The following PGBD2 variants were observed in gnomAD, a reference collection of about 807,000 sequenced individuals.
The protein encoded by PGBD2 is piggyBac transposable element derived 2, also known as piggyBac transposable element-derived protein 2.
PGBD2 carries 6 observed loss-of-function variants against 8.1 expected under a neutral mutation model. That is an observed-to-expected ratio of 0.74 (90% confidence interval 0.40 to 1.46). The LOEUF (loss-of-function observed/expected upper bound fraction) is 1.46, where lower values mean the gene tolerates loss of function less well. Among genes scored for constraint, PGBD2 ranks in the 40% most tolerant of loss-of-function variants. The pLI, the probability that PGBD2 is intolerant of heterozygous loss-of-function variation, is 0.02. For synonymous variants in PGBD2, 318 were observed against 272.2 expected (o/e 1.17, Z -1.66); for missense variants, 802 against 739.0 (o/e 1.09, Z -0.99).
chr1:248,916,970 C>T lies in PGBD2; in HGVS notation c.386C>T (p.Pro129Leu), dbSNP rs1424019714. Residue 129 changes from proline to leucine, a missense_variant, in exon 3 of 3, where the codon CCT becomes CTT. Transcript: ENST00000329291. ...TTTGGCAGTTGGACTGCATCAGATCCTCATATTGAGGATCTGAAAAGCCAA... is the reference window on the plus strand; with the variant it reads ...TTTGGCAGTTGGACTGCATCAGATCTTCATATTGAGGATCTGAAAAGCCAA... ...PDFGSWTASDPHIEDLKSQEL... is the reference protein window; with the variant it reads ...PDFGSWTASDLHIEDLKSQEL... The T allele has an allele frequency of 6.2e-7, 1 of 1,612,858 alleles. No homozygotes were observed. The highest frequency in any genetic ancestry group is 2.2e-5 in the East Asian group (1 of 44,878).
At chr1:248,907,547 G>A (rs1181340038) in intron 1 of PGBD2, among the ~76,000 whole-genome samples, 1 of 152,166 alleles carries the variant, frequency 6.6e-6, no homozygotes, top group Non-Finnish European at 1.5e-5. Context: ...TATCACATGG[G>A]GAGAAACCTT....
chr1:248,907,944 C>G (rs1405624305), intron 1 of PGBD2, among the ~76,000 whole-genome samples: 1 of 152,156 alleles, frequency 6.6e-6, no homozygotes, highest in African/African-American at 2.4e-5. Flanking sequence ...GCATTTACAT[C>G]TATAAAATGT....
upstream of PGBD2, among the ~76,000 whole-genome samples, chr1:248,904,495 G>A (rs1016520439): frequency 1.4e-4 from 22 of 152,210 alleles, 1 homozygote; most frequent in South Asian, 2.7e-3. Context: ...TATCCAAATT[G>A]CAGTGAGAAT....
Position 248,918,318 on chromosome 1 carries a change from GA to G in PGBD2, c.1736del (p.Lys579ArgfsTer50). The part of the protein sequence containing the change: ...QTNTRCEKCQ[K>X]GVHAKCFREY... ...CCAACACCCGGTGTGAGAAGTGCCA[GA>G]AGGGTGTCCATGCCAAATGCTTCAG... On this transcript the variant is annotated frameshift_variant, in exon 3 of 3. Transcript: ENST00000329291. LOFTEE classifies it high-confidence loss of function. 11 of 1,581,586 alleles carry G rather than the reference GA, an allele frequency of 7.0e-6. No homozygotes were observed. Among genetic ancestry groups the G allele is most frequent in the Non-Finnish European group, 9.5e-6 (11 of 1,163,710 alleles).
the PGBD2 span, among the ~76,000 whole-genome samples, chr1:248,889,200 C>T: frequency 2.1e-3 from 321 of 152,190 alleles, 1 homozygote; most frequent in African/African-American, 6.9e-3. Flanking sequence ...GCCTGGCCAA[C>T]ATGGCGAAAC....
the PGBD2 span, among the ~76,000 whole-genome samples, chr1:248,929,260 A>G: frequency 6.6e-6 from 1 of 152,066 alleles, no homozygotes; most frequent in African/African-American, 2.4e-5. Context: ...CTTTTATTGT[A>G]GGGAATCGTT....
In PGBD2 at chr1:248,917,124, G is replaced by A; in HGVS notation, c.540G>A (p.Lys180=). 6.2e-7 allele frequency: 1 copy of A among 1,614,140 alleles called. No homozygotes were observed. The highest frequency in any genetic ancestry group is 8.5e-7 in the Non-Finnish European group (1 of 1,180,034). Residue 180 remains lysine, a synonymous_variant, in exon 3 of 3, where the codon AAG becomes AAA. Transcript: ENST00000329291. The part of the protein sequence containing the change: ...VNLSLTAQEL[K]CVLGILILSG... ...TGAGTCTTACGGCTCAGGAATTGAA[G>A]TGTGTTTTGGGCATTTTGATTTTAA...
chr1:248,892,822 T>C, the PGBD2 span, among the ~76,000 whole-genome samples: 1 of 152,296 alleles, frequency 6.6e-6, no homozygotes, highest in African/African-American at 2.4e-5. Flanking sequence ...TTTGGATGGG[T>C]TGGAGACTCA....
the PGBD2 span, among the ~76,000 whole-genome samples, chr1:248,875,313 A>AC: frequency 6.8e-6 from 1 of 147,054 alleles, no homozygotes; most frequent in South Asian, 2.1e-4. Flanking sequence ...CAAAACAAAA[A>AC]AAAAAAAAAA....
chr1:248,913,655 G>GGAGT (rs1179675301), intron 1 of PGBD2, among the ~76,000 whole-genome samples, 161 bp from the exon 2 acceptor site: 1 of 152,142 alleles, frequency 6.6e-6, no homozygotes, highest in African/African-American at 2.4e-5. Context: ...GTGAGATGAA[G>GGAGT]GAGTTTGTTC....
chr1:248,889,869 C>T, the PGBD2 span, among the ~76,000 whole-genome samples: 1 of 151,876 alleles, frequency 6.6e-6, no homozygotes, highest in Non-Finnish European at 1.5e-5. Flanking sequence ...CAAAGAGTCA[C>T]AGAAGCAGTC....
At chr1:248,924,601 T>C (rs184710788), downstream of PGBD2, among the ~76,000 whole-genome samples, 8 of 152,382 alleles carry the variant, frequency 5.2e-5, no homozygotes, top group African/African-American at 1.9e-4. Flanking sequence ...GAAATGTTTG[T>C]GAATTTCCCA....
chr1:248,929,069 T>A, the PGBD2 span, among the ~76,000 whole-genome samples: 2 of 152,200 alleles, frequency 1.3e-5, no homozygotes, highest in African/African-American at 4.8e-5. Flanking sequence ...AAGTATTTGT[T>A]TTATTTGGAA....
chr1:248,907,686 C>T (rs575376969), intron 1 of PGBD2, among the ~76,000 whole-genome samples: 3 of 152,200 alleles, frequency 2.0e-5, no homozygotes, highest in Non-Finnish European at 2.9e-5. Context: ...ATTTTGTTAA[C>T]AAGACATGTC....
At chr1:248,915,449 G>A (rs74965151) in intron 2 of PGBD2, among the ~76,000 whole-genome samples, 5,441 of 152,316 alleles carry the variant, frequency 0.036, 137 homozygotes, top group Non-Finnish European at 0.056. Context: ...TAGGCTTTGT[G>A]TTAGATGACT....
the PGBD2 span, among the ~76,000 whole-genome samples, chr1:248,889,002 C>T: frequency 6.6e-6 from 1 of 152,262 alleles, no homozygotes; most frequent in African/African-American, 2.4e-5. Flanking sequence ...GTCCTTTTCC[C>T]ATAAACACTG....
chr1:248,883,666 G>A, the PGBD2 span, among the ~76,000 whole-genome samples: 9 of 137,654 alleles, frequency 6.5e-5, no homozygotes, highest in Admixed American at 4.7e-4. Context: ...GCACGATCTC[G>A]GCTTACTGCA....
At chr1:248,908,104 C>A (rs959817762) in intron 1 of PGBD2, among the ~76,000 whole-genome samples, 1 of 152,194 alleles carries the variant, frequency 6.6e-6, no homozygotes, top group Non-Finnish European at 1.5e-5. Flanking sequence ...TTAACACCTA[C>A]AGGCCTTATT....
chr1:248,889,481 C>T, the PGBD2 span, among the ~76,000 whole-genome samples: 3 of 152,214 alleles, frequency 2.0e-5, no homozygotes, highest in East Asian at 3.9e-4. Flanking sequence ...TTAATTCTTA[C>T]GACAAATTAT....
Sources: gnomAD v4.1 joint callset for allele counts (sites outside exome capture counted in the v4.1 genomes callset) on GRCh38, gnomAD v4.1.1 for gene constraint, MANE v1.5 for transcripts, NCBI Gene and HGNC (gene_info 2026-07-23, HGNC 2026-07-21) for gene names.